LEPROT: variants seen among roughly 807,000 people sequenced by gnomAD.
LEPROT encodes leptin receptor gene-related protein.
In LEPROT, 3 loss-of-function variants were observed where a neutral mutation model predicts 15.4. That is an observed-to-expected ratio of 0.19 (90% confidence interval 0.09 to 0.50). The LOEUF (loss-of-function observed/expected upper bound fraction) is 0.50. Among genes scored for constraint, LEPROT ranks in the 20% least tolerant of loss-of-function variants. The pLI, the probability that LEPROT is intolerant of heterozygous loss-of-function variation, is 0.97. For missense variants in LEPROT, 137 were observed against 162.2 expected, an observed-to-expected ratio of 0.84 and a Z score of 0.84; for synonymous variants, 59 against 57.5, an observed-to-expected ratio of 1.03 and a Z score of -0.12.
chr1:65,421,275 T>C (rs1646244628), intron 1 of LEPROT: 2 of 1,476,550 alleles, frequency 1.4e-6, no homozygotes, highest in East Asian at 2.5e-5. Flanking sequence ...GGAGAGTAGA[T>C]TACGTGTAAT....
Position 65,434,929 on chromosome 1 carries a change from G to A in LEPROT, c.*3010G>A. ...CTTCATCACAGAAAGAATGCCTTGT[G>A]ATTATCTTCTCCACATCTGAAATTC... On this transcript the variant is annotated 3_prime_UTR_variant, in exon 4 of 4. Transcript: ENST00000371065. 1.0e-6 allele frequency: 1 copy of A among 985,448 alleles called. No homozygotes were observed. The highest frequency in any genetic ancestry group is 1.7e-5 in the African/African-American group (1 of 57,334). The allele number at this position is 985,448 out of a possible 1,614,324, so 61.0% of individuals were successfully genotyped here.
chr1:65,430,156 C>G (rs1473301522), intron 3 of LEPROT, 108 bp downstream of exon 3: 1 of 1,000,616 alleles, frequency 1.0e-6, no homozygotes, highest in Non-Finnish European at 1.4e-6. Context: ...ATACTCAAGG[C>G]CGTGTGTTTT....
At chr1:65,421,433 G>T in intron 1 of LEPROT, 1 of 1,536,032 alleles carries the variant, frequency 6.5e-7, no homozygotes, top group Non-Finnish European at 8.7e-7. Context: ...GACGGAAAAG[G>T]TTTTTTGCAA....
intron 1 of LEPROT, chr1:65,421,256 C>T: frequency 7.1e-7 from 1 of 1,411,468 alleles, no homozygotes; most frequent in Non-Finnish European, 9.3e-7. Context: ...CGGTGTTTCT[C>T]GCAGTCGTGG....
intron 1 of LEPROT, among the ~76,000 whole-genome samples, chr1:65,422,305 C>G (rs1338282405): frequency 6.6e-6 from 1 of 152,136 alleles, no homozygotes; most frequent in East Asian, 1.9e-4. Context: ...TGGAGTGATG[C>G]AGCTACAAAG....
chr1:65,422,124 C>T, intron 1 of LEPROT, among the ~76,000 whole-genome samples: 1 of 152,036 alleles, frequency 6.6e-6, no homozygotes, highest in Non-Finnish European at 1.5e-5. Context: ...TTCCCTGGTA[C>T]CTGTGAATGT....
chr1:65,429,487 G>T (rs1646444903), intron 2 of LEPROT, among the ~76,000 whole-genome samples: 1 of 152,178 alleles, frequency 6.6e-6, no homozygotes, highest in South Asian at 2.1e-4. Context: ...AAGCATGCGT[G>T]CACTCAAAAG....
At chr1:65,421,932 T>C in intron 1 of LEPROT, among the ~76,000 whole-genome samples, 1 of 152,196 alleles carries the variant, frequency 6.6e-6, no homozygotes, top group East Asian at 1.9e-4. Flanking sequence ...TGTTCAACTT[T>C]TATTGAGGAA....
Position 65,435,953 on chromosome 1 carries a change from A to C in LEPROT, c.*4034A>C. 1 of 985,040 alleles carries C rather than the reference A, an allele frequency of 1.0e-6. No individual in the cohort carries two copies. Among genetic ancestry groups the C allele is most frequent in the African/African-American group, 1.7e-5 (1 of 57,362 alleles). 61.0% of individuals were successfully genotyped at this position (985,040 alleles called of 1,614,324 possible). On this transcript the variant is annotated 3_prime_UTR_variant, in exon 4 of 4. Coordinates refer to ENST00000371065, the MANE Select transcript of LEPROT (RefSeq NM_017526.5). Reference sequence around the variant, plus strand: ...ACAACAGTGATACATGTAACCCCAAATGTGATGTGAGAGGACGATTACTTT... The same window carrying C: ...ACAACAGTGATACATGTAACCCCAACTGTGATGTGAGAGGACGATTACTTT...
chr1:65,431,746 G>T lies in LEPROT; in HGVS notation c.280-57G>T, dbSNP rs1646487272. On this transcript the variant is annotated intron_variant, in intron 3 of 3. Coordinates refer to ENST00000371065, the MANE Select transcript of LEPROT (RefSeq NM_017526.5). Reference sequence around the variant, plus strand: ...TCTAATGCAGAAAATAATAGGGATTGCAAAGAGTACAATATGAAGGAAGTA... The same window carrying T: ...TCTAATGCAGAAAATAATAGGGATTTCAAAGAGTACAATATGAAGGAAGTA... 24 of 1,547,212 alleles carry T rather than the reference G, an allele frequency of 1.6e-5. No homozygotes were observed. In the South Asian group the frequency reaches 2.1e-4, roughly 14 times the overall value.
At chr1:65,423,407 A>G (rs551093499) in intron 1 of LEPROT, among the ~76,000 whole-genome samples, 4 of 152,298 alleles carry the variant, frequency 2.6e-5, no homozygotes, top group African/African-American at 9.6e-5. Flanking sequence ...AAACAGAAAG[A>G]TGGTTGTGAA....
Position 65,434,408 on chromosome 1 carries a change from A to G in LEPROT, c.*2489A>G. ...TGAGATTGCACTTCCAAAATTGGCCACAAGTAAATAATCTTATGAAGGGAT... is the reference window on the plus strand; with the variant it reads ...TGAGATTGCACTTCCAAAATTGGCCGCAAGTAAATAATCTTATGAAGGGAT... On this transcript the variant is annotated 3_prime_UTR_variant, in exon 4 of 4. Transcript: ENST00000371065. 7.1e-6 allele frequency: 7 copies of G among 985,430 alleles called. No individual in the cohort carries two copies. Among genetic ancestry groups the G allele is most frequent in the Non-Finnish European group, 8.4e-6 (7 of 829,926 alleles). 61.0% of individuals were successfully genotyped at this position (985,430 alleles called of 1,614,324 possible). A position where few individuals can be genotyped will look rare whatever the true frequency, so the allele number is the denominator to read the frequency against.
chr1:65,434,172 C>G lies in LEPROT; in HGVS notation c.*2253C>G, dbSNP rs907204388. 4.1e-6 allele frequency: 4 copies of G among 983,948 alleles called. No individual in the cohort carries two copies. The African/African-American group carries it at 7.0e-5, about 17-fold the overall frequency. The allele number at this position is 983,948 out of a possible 1,614,324, so 61.0% of individuals were successfully genotyped here. On this transcript the variant is annotated 3_prime_UTR_variant, in exon 4 of 4. Transcript: ENST00000371065. The stretch of plus-strand genomic sequence containing the variant: ...GAAGTGATAGATTATTAGATTTGCT[C>G]TATGTCTGAAAAGAGAGCTATTCTG...
At chr1:65,423,087 G>T (rs1239386513) in intron 1 of LEPROT, among the ~76,000 whole-genome samples, 2 of 152,176 alleles carry the variant, frequency 1.3e-5, no homozygotes, top group Non-Finnish European at 2.9e-5. Context: ...CCTTTAAAGT[G>T]TAGGGATAGT....
chr1:65,424,263 G>A (rs1017437606), intron 1 of LEPROT, among the ~76,000 whole-genome samples: 1 of 152,188 alleles, frequency 6.6e-6, no homozygotes, highest in Non-Finnish European at 1.5e-5. Context: ...TTCCTACAAA[G>A]ACATGAAAAC....
Position 65,433,391 on chromosome 1 carries a change from C to T in LEPROT, c.*1472C>T. 1 of 985,428 alleles carries T rather than the reference C, an allele frequency of 1.0e-6. No individual in the cohort carries two copies. The highest frequency in any genetic ancestry group is 1.2e-6 in the Non-Finnish European group (1 of 829,934). 61.0% of individuals were successfully genotyped at this position (985,428 alleles called of 1,614,324 possible). On this transcript the variant is annotated 3_prime_UTR_variant, in exon 4 of 4. Coordinates refer to ENST00000371065, the MANE Select transcript of LEPROT (RefSeq NM_017526.5). ...TACCTGTCATGTTGGATCCTGTAAT[C>T]ACAGTTTTCCCTGCTCACCTTTTTG... is the stretch of plus-strand genomic sequence containing the variant.
chr1:65,430,152 A>G, intron 3 of LEPROT, 104 bp downstream of exon 3: 1 of 1,023,964 alleles, frequency 9.8e-7, no homozygotes, highest in Non-Finnish European at 1.3e-6. Flanking sequence ...CTTTATACTC[A>G]AGGCCGTGTG....
chr1:65,423,147 C>T (rs927576439), intron 1 of LEPROT, among the ~76,000 whole-genome samples: 1 of 152,004 alleles, frequency 6.6e-6, no homozygotes, highest in African/African-American at 2.4e-5. Flanking sequence ...TTCTTGTTGG[C>T]GGTCAAGGCA....
At position 65,434,300 on chromosome 1, in the gene LEPROT, T is replaced by A; in HGVS notation, c.*2381T>A. On this transcript the variant is annotated 3_prime_UTR_variant, in exon 4 of 4. Transcript: ENST00000371065. The stretch of plus-strand genomic sequence containing the variant: ...ATCATGGTGACACAAATGTTGGACA[T>A]TTTTTTCCTTATAAAAGGCTCTTTT... 1 of 983,620 alleles carries A rather than the reference T, an allele frequency of 1.0e-6. No homozygotes were observed. The highest frequency in any genetic ancestry group is 1.2e-6 in the Non-Finnish European group (1 of 828,306). 60.9% of individuals were successfully genotyped at this position (983,620 alleles called of 1,614,324 possible).
Sources: gnomAD v4.1 joint callset for allele counts (sites outside exome capture counted in the v4.1 genomes callset) on GRCh38, gnomAD v4.1.1 for gene constraint, MANE v1.5 for transcripts, NCBI Gene and HGNC (gene_info 2026-07-23, HGNC 2026-07-21) for gene names.